Variants in GLI3 observed in about 807,000 individuals in gnomAD.
The protein encoded by GLI3 is transcription activator GLI3.
A neutral mutation model predicts 100.8 loss-of-function variants in GLI3; 20 were observed. That is an observed-to-expected ratio of 0.20 (90% confidence interval 0.14 to 0.29). The LOEUF (loss-of-function observed/expected upper bound fraction) is 0.29, where lower values mean the gene tolerates loss of function less well. GLI3 is among the 10% of genes least tolerant of loss of function. The probability of loss-of-function intolerance (pLI) is 1.00; values close to 1 mark genes in which losing one functional copy is unlikely to be tolerated. For missense variants in GLI3, 2,040 were observed against 2,128.5 expected, an observed-to-expected ratio of 0.96 and a Z score of 0.82; for synonymous variants, 938 against 860.5, an observed-to-expected ratio of 1.09 and a Z score of -1.58.
At chr7:42,026,974 AC>A (rs1404907735) in intron 7 of GLI3, among the ~76,000 whole-genome samples, 1 of 152,230 alleles carries the variant, frequency 6.6e-6, no homozygotes, top group Non-Finnish European at 1.5e-5. Context: ...CCGTCTGGTT[AC>A]AGAAGCTGAT....
At chr7:42,023,438 A>G in intron 10 of GLI3, 30 bp downstream of exon 10, 1 of 1,612,870 alleles carries the variant, frequency 6.2e-7, no homozygotes, top group Non-Finnish European at 8.5e-7. Context: ...CAGAGCTGTA[A>G]AGCTCGGTTC....
chr7:42,119,560 G>T (rs957602974), intron 3 of GLI3, among the ~76,000 whole-genome samples: 1 of 151,902 alleles, frequency 6.6e-6, no homozygotes, highest in Non-Finnish European at 1.5e-5. Context: ...ATATCAGCTG[G>T]GTCCCTTCCC....
At chr7:42,205,856 T>C (rs965566753) in intron 2 of GLI3, among the ~76,000 whole-genome samples, 1 of 152,190 alleles carries the variant, frequency 6.6e-6, no homozygotes, top group East Asian at 1.9e-4. Flanking sequence ...GGCTTTGATA[T>C]ACGCCTGGGA....
chr7:41,991,262 T>C (rs1787980330), intron 10 of GLI3, among the ~76,000 whole-genome samples: 1 of 152,184 alleles, frequency 6.6e-6, no homozygotes, highest in Non-Finnish European at 1.5e-5. Context: ...GCTTCACTCA[T>C]GCTCCCCACA....
At chr7:42,124,047 C>T (rs1273508287) in intron 3 of GLI3, among the ~76,000 whole-genome samples, 7 of 152,208 alleles carry the variant, frequency 4.6e-5, no homozygotes, top group South Asian at 4.2e-4. Context: ...ACTCTCCCAC[C>T]GCAGCTGCCT....
intron 3 of GLI3, among the ~76,000 whole-genome samples, chr7:42,127,222 A>G (rs1786155911): frequency 6.6e-6 from 1 of 152,238 alleles, no homozygotes; most frequent in East Asian, 1.9e-4. Flanking sequence ...AGCGGACCTC[A>G]GAGCTGATCC....
At chr7:42,160,283 G>A (rs2128793310) in intron 2 of GLI3, among the ~76,000 whole-genome samples, 1 of 152,326 alleles carries the variant, frequency 6.6e-6, no homozygotes, top group Middle Eastern at 3.4e-3. Flanking sequence ...TCCAGGCCTT[G>A]GATGTCCAGG....
chr7:42,108,281 T>C (rs1238567755), intron 3 of GLI3, among the ~76,000 whole-genome samples: 1 of 152,218 alleles, frequency 6.6e-6, no homozygotes, highest in Non-Finnish European at 1.5e-5. Flanking sequence ...AATTCACAGA[T>C]GTGTCTAGAC....
intron 3 of GLI3, among the ~76,000 whole-genome samples, chr7:42,136,205 C>T (rs1285416013): frequency 6.6e-6 from 1 of 152,168 alleles, no homozygotes; most frequent in Non-Finnish European, 1.5e-5. Flanking sequence ...AAGAGACAGC[C>T]CATCTTCCAA....
intron 2 of GLI3, among the ~76,000 whole-genome samples, chr7:42,209,244 TCTTG>T (rs1454918800): frequency 6.6e-6 from 1 of 151,984 alleles, no homozygotes; most frequent in African/African-American, 2.4e-5. Context: ...AGAGACAGGG[TCTTG>T]CTATATTGCC....
At chr7:41,983,191 G>A (rs575357559) in intron 10 of GLI3, among the ~76,000 whole-genome samples, 1 of 152,236 alleles carries the variant, frequency 6.6e-6, no homozygotes, top group African/African-American at 2.4e-5. Context: ...TTTCCTTCTC[G>A]TACTAACATC....
intron 4 of GLI3, among the ~76,000 whole-genome samples, chr7:42,051,778 C>A (rs141931674): frequency 1.3e-3 from 199 of 152,176 alleles, no homozygotes; most frequent in African/African-American, 4.5e-3. Flanking sequence ...TATAAATAGC[C>A]TCCTGTCATT....
intron 3 of GLI3, among the ~76,000 whole-genome samples, chr7:42,110,248 T>A (rs2330411): frequency 0.6 from 90,833 of 152,196 alleles, 28,254 homozygotes; most frequent in East Asian, 0.72. Flanking sequence ...TTTTCAGTTT[T>A]ATAGTAGAAT....
chr7:42,197,356 C>A (rs767269939), intron 2 of GLI3, among the ~76,000 whole-genome samples: 3 of 152,200 alleles, frequency 2.0e-5, no homozygotes, highest in Non-Finnish European at 4.4e-5. Flanking sequence ...TACCAAGATG[C>A]CCCGGCAGAA....
rs747928273 is a variant in GLI3 at position 41,965,265 on chromosome 7, C to T, written c.3808G>A (p.Gly1270Ser). Residue 1270 changes from glycine to serine, a missense_variant, in exon 15 of 15, where the codon GGT becomes AGT. By Grantham distance (56) the Gly-to-Ser change is moderately conservative. This residue lies in a region of GLI3 where 1,041 missense variants were observed against 924.0 expected (regional missense o/e 1.13). Transcript: ENST00000395925. ...RQPVAPGALDGACGAGIQASK... is the reference protein window; with the variant it reads ...RQPVAPGALDSACGAGIQASK... ...GCTTGAATCCCGGCACCACAGGCAC[C>T]GTCGAGTGCACCAGGGGCCACTGGC... is the stretch of plus-strand genomic sequence containing the variant. 2.5e-6 allele frequency: 4 copies of T among 1,613,632 alleles called. No individual in the cohort carries two copies. Among genetic ancestry groups the T allele is most frequent in the East Asian group, 2.2e-5 (1 of 44,860 alleles).
intron 3 of GLI3, among the ~76,000 whole-genome samples, chr7:42,134,988 T>G (rs562328312): frequency 3.9e-5 from 6 of 152,252 alleles, no homozygotes; most frequent in African/African-American, 1.4e-4. Context: ...TTAGGAGAAT[T>G]TCATAGTGTA....
At chr7:42,256,617 A>C (rs6975339) in intron 1 of GLI3, among the ~76,000 whole-genome samples, 22,326 of 152,100 alleles carry the variant, frequency 0.15, 2,991 homozygotes, top group African/African-American at 0.36. Context: ...TTTCTGGACT[A>C]TCAAGTGTAT....
chr7:42,140,528 A>G (rs1786542417), intron 3 of GLI3, among the ~76,000 whole-genome samples: 1 of 152,236 alleles, frequency 6.6e-6, no homozygotes, highest in Non-Finnish European at 1.5e-5. Flanking sequence ...GGATAGACCC[A>G]AATTTAATAG....
At chr7:42,085,285 G>A (rs1423872690) in intron 3 of GLI3, among the ~76,000 whole-genome samples, 1 of 152,180 alleles carries the variant, frequency 6.6e-6, no homozygotes, top group Non-Finnish European at 1.5e-5. Flanking sequence ...CCACAAAGGG[G>A]AGGTTTGGAA....
Sources: allele counts gnomAD v4.1 joint callset (sites outside exome capture counted in the v4.1 genomes callset), GRCh38; gene constraint gnomAD v4.1.1; regional missense constraint gnomAD v4.1.1; transcripts MANE v1.5; gene names NCBI Gene and HGNC (gene_info 2026-07-23, HGNC 2026-07-21).